Variants in BTF3L4 observed in about 807,000 individuals in gnomAD.
The protein encoded by BTF3L4 is basic transcription factor 3 like 4, also known as transcription factor BTF3 homolog 4.
In BTF3L4, 6 loss-of-function variants were observed where a neutral mutation model predicts 16.8. The ratio of observed to expected loss-of-function variants is 0.36; its 90% CI spans 0.20 to 0.71. The LOEUF is 0.71. BTF3L4 is among the 30% of genes least tolerant of loss of function. The pLI is 0.58. For missense variants in BTF3L4, 92 were observed against 186.9 expected (o/e 0.49, Z 2.96); for synonymous variants, 39 against 59.8 (o/e 0.65, Z 1.60).
At chr1:52,074,870 A>T (rs370273734) in intron 3 of BTF3L4, among the ~76,000 whole-genome samples, 1 of 151,998 alleles carries the variant, frequency 6.6e-6, no homozygotes, top group East Asian at 1.9e-4. Context: ...ATTTTGAAAC[A>T]AGGTCTCACT....
At chr1:52,058,528 T>G (rs77497035) in intron 1 of BTF3L4, among the ~76,000 whole-genome samples, 1,814 of 152,236 alleles carry the variant, frequency 0.012, 38 homozygotes, top group African/African-American at 0.042. Context: ...AACAACCTAG[T>G]CCCTTATTCC....
At position 52,056,668 on chromosome 1, in the gene BTF3L4, TC is replaced by T. The variant is rs1363921400; in HGVS notation, c.-14+291del. ...AGGCAGGTGGACGCCCCTCCTCTGT[TC>T]CATTACTCCTTGCTCACAACAGCAG... On this transcript the variant is annotated intron_variant, in intron 1 of 5. Transcript: ENST00000313334. Among the ~76,000 whole-genome samples the T allele has an allele frequency of 2.0e-5, 3 of 152,372 alleles. No individual in the cohort carries two copies. In the East Asian group the frequency reaches 5.8e-4, roughly 29 times the overall value.
At chr1:52,080,445 TA>T (rs1023142936) in intron 3 of BTF3L4, among the ~76,000 whole-genome samples, 4 of 133,096 alleles carry the variant, frequency 3.0e-5, no homozygotes, top group African/African-American at 5.7e-5. Context: ...TGTCTGTAAA[TA>T]AAAAAAAAGT....
intron 3 of BTF3L4, among the ~76,000 whole-genome samples, chr1:52,065,759 C>G (rs917051710): frequency 6.6e-6 from 1 of 151,974 alleles, no homozygotes; most frequent in Admixed American, 6.6e-5. Flanking sequence ...ATTAGTCAGC[C>G]GGGTGCAGTG....
chr1:52,075,461 G>A (rs1686906145), intron 3 of BTF3L4, among the ~76,000 whole-genome samples: 1 of 149,726 alleles, frequency 6.7e-6, no homozygotes, highest in Non-Finnish European at 1.5e-5. Flanking sequence ...GGCAGAGGTT[G>A]CAGTGGGCCG....
At chr1:52,073,291 A>AG (rs1686839737) in intron 3 of BTF3L4, among the ~76,000 whole-genome samples, 1 of 152,114 alleles carries the variant, frequency 6.6e-6, no homozygotes, top group Non-Finnish European at 1.5e-5. Context: ...TCTCAAAAAA[A>AG]AATATGTATC....
At chr1:52,068,321 G>A (rs1184419388) in intron 3 of BTF3L4, among the ~76,000 whole-genome samples, 1 of 152,182 alleles carries the variant, frequency 6.6e-6, no homozygotes, top group Non-Finnish European at 1.5e-5. Context: ...TAAGCATTTT[G>A]CCAAGGACTT....
intron 3 of BTF3L4, among the ~76,000 whole-genome samples, chr1:52,070,323 TAATAGTTCATTTGGTA>T (rs1686754815): frequency 6.6e-6 from 1 of 150,798 alleles, no homozygotes; most frequent in Non-Finnish European, 1.5e-5. Flanking sequence ...TCATTTGGTA[TAATAGTTCATTTGGTA>T]TAATAGTTCA....
chr1:52,070,652 G>A (rs1243380525), intron 3 of BTF3L4, among the ~76,000 whole-genome samples: 18 of 107,038 alleles, frequency 1.7e-4, no homozygotes, highest in African/African-American at 6.0e-4. Context: ...TTTTTTTTTG[G>A]TGGGGGGATG....
intron 3 of BTF3L4, among the ~76,000 whole-genome samples, chr1:52,070,721 A>C (rs1225294489): frequency 6.9e-6 from 1 of 145,114 alleles, no homozygotes; most frequent in Non-Finnish European, 1.5e-5. Flanking sequence ...ACTGCAACCT[A>C]CTGCCTCCTG....
chr1:52,085,477 A>G (rs1261802874), intron 4 of BTF3L4, among the ~76,000 whole-genome samples: 1 of 151,894 alleles, frequency 6.6e-6, no homozygotes, highest in Non-Finnish European at 1.5e-5. Context: ...AAACCTTAAT[A>G]TTAATTTTTT....
intron 3 of BTF3L4, among the ~76,000 whole-genome samples, chr1:52,066,795 G>C (rs1686662857): frequency 6.6e-6 from 1 of 151,142 alleles, no homozygotes; most frequent in African/African-American, 2.4e-5. Flanking sequence ...GCAGTGAGCC[G>C]AGACCACGCC....
chr1:52,085,634 G>A (rs1004829748), intron 4 of BTF3L4, among the ~76,000 whole-genome samples: 2 of 152,014 alleles, frequency 1.3e-5, no homozygotes, highest in Non-Finnish European at 2.9e-5. Context: ...TGGATCCCTT[G>A]AGGTCAGGAG....
intron 2 of BTF3L4, among the ~76,000 whole-genome samples, chr1:52,064,291 T>C (rs1686591512): frequency 6.6e-6 from 1 of 152,204 alleles, no homozygotes; most frequent in African/African-American, 2.4e-5. Flanking sequence ...ATTCTTGCTG[T>C]GCTCTAGTTT....
chr1:52,063,724 T>A (rs1457456283), intron 2 of BTF3L4, among the ~76,000 whole-genome samples: 1 of 152,224 alleles, frequency 6.6e-6, no homozygotes. Context: ...GTAACTAGTA[T>A]AATTTTCAAC....
chr1:52,064,338 T>A (rs1315306372), intron 2 of BTF3L4, among the ~76,000 whole-genome samples: 7 of 152,204 alleles, frequency 4.6e-5, no homozygotes, highest in Admixed American at 2.0e-4. Flanking sequence ...CCATTTGAAA[T>A]TATCTGATTT....
chr1:52,078,806 C>T (rs1487408185), intron 3 of BTF3L4, among the ~76,000 whole-genome samples: 2 of 152,094 alleles, frequency 1.3e-5, no homozygotes, highest in East Asian at 1.9e-4. Flanking sequence ...GCCTCTTTCT[C>T]CTTAGCTCAA....
At chr1:52,056,983 T>C (rs1686381701) in intron 1 of BTF3L4, among the ~76,000 whole-genome samples, 1 of 152,226 alleles carries the variant, frequency 6.6e-6, no homozygotes, top group East Asian at 1.9e-4. Flanking sequence ...TTTACCATAG[T>C]TGTCCCCTCG....
In BTF3L4 at chr1:52,059,295, A is replaced by G. The variant is rs540091829; in HGVS notation, c.-13-540A>G. ...TACCATCTGACCTTGAATAGAGGAC[A>G]TGACTACTTGATATCTTGACAGCTA... On this transcript the variant is annotated intron_variant, in intron 1 of 5. Transcript: ENST00000313334. Among the ~76,000 whole-genome samples the G allele has an allele frequency of 2.7e-4, 41 of 152,354 alleles. No homozygotes were observed. In the South Asian group the frequency reaches 7.2e-3, roughly 27 times the overall value.
Sources: gnomAD v4.1 joint callset for allele counts (sites outside exome capture counted in the v4.1 genomes callset) on GRCh38, gnomAD v4.1.1 for gene constraint, MANE v1.5 for transcripts, NCBI Gene and HGNC (gene_info 2026-07-23, HGNC 2026-07-21) for gene names.